ATP2B2: variants seen among roughly 807,000 people sequenced by gnomAD.
The protein encoded by ATP2B2 is plasma membrane calcium-transporting ATPase 2.
A neutral mutation model predicts 120.0 loss-of-function variants in ATP2B2; 15 were observed. The observed-to-expected ratio is 0.12, with a 90% CI of 0.08 to 0.19. ATP2B2 has a LOEUF of 0.19. Ranked by LOEUF, ATP2B2 falls within the 10% of genes least tolerant of loss-of-function variation. The pLI is 1.00. For synonymous variants in ATP2B2, 694 were observed against 700.3 expected (o/e 0.99, Z 0.14); for missense variants, 1,045 against 1,719.8 (o/e 0.61, Z 6.94).
intron 2 of ATP2B2, among the ~76,000 whole-genome samples, chr3:10,414,082 T>C (rs891294019): frequency 1.3e-5 from 2 of 152,092 alleles, no homozygotes; most frequent in Non-Finnish European, 2.9e-5. Flanking sequence ...GGCCCTGAAA[T>C]GGTTTTCCTG....
intron 1 of ATP2B2, among the ~76,000 whole-genome samples, chr3:10,494,055 A>G (rs2066040121): frequency 6.6e-6 from 1 of 152,230 alleles, no homozygotes; most frequent in Admixed American, 6.5e-5. Context: ...CTGGACACAG[A>G]CCGAGGAGTC....
intron 6 of ATP2B2, 114 bp downstream of exon 6, chr3:10,388,163 C>G: frequency 1.3e-6 from 2 of 1,518,858 alleles, no homozygotes; most frequent in South Asian, 1.1e-5. Flanking sequence ...GCTGTCAGCA[C>G]AGGGTGCGGA....
At chr3:10,601,494 G>A (rs1019619803) in intron 2 of ATP2B2, among the ~76,000 whole-genome samples, 6 of 152,128 alleles carry the variant, frequency 3.9e-5, no homozygotes, top group East Asian at 3.8e-4. Context: ...GCTGGGCCTC[G>A]GTTACCTCAT....
At chr3:10,442,769 G>A (rs1050759943) in intron 2 of ATP2B2, among the ~76,000 whole-genome samples, 1 of 152,116 alleles carries the variant, frequency 6.6e-6, no homozygotes, top group African/African-American at 2.4e-5. Flanking sequence ...CGTCTCCCTT[G>A]AAGCCACACA....
intron 1 of ATP2B2, among the ~76,000 whole-genome samples, chr3:10,642,052 C>T (rs1399130542): frequency 1.3e-5 from 2 of 152,000 alleles, no homozygotes; most frequent in African/African-American, 4.8e-5. Context: ...CCCATTCATC[C>T]TTCCATCCCT....
At chr3:10,466,910 A>T (rs541744084) in intron 1 of ATP2B2, among the ~76,000 whole-genome samples, 7 of 152,326 alleles carry the variant, frequency 4.6e-5, no homozygotes, top group African/African-American at 1.7e-4. Flanking sequence ...CACAATCATG[A>T]GCAGAGCATG....
At chr3:10,444,994 C>T (rs924472225) in intron 2 of ATP2B2, among the ~76,000 whole-genome samples, 5 of 152,218 alleles carry the variant, frequency 3.3e-5, no homozygotes, top group Admixed American at 1.3e-4. Context: ...CTAGGCCTCC[C>T]GGACCACCTG....
chr3:10,411,707 A>G (rs2062617684), intron 2 of ATP2B2, among the ~76,000 whole-genome samples: 1 of 152,202 alleles, frequency 6.6e-6, no homozygotes, highest in Admixed American at 6.5e-5. Context: ...TGTTGCAGAC[A>G]CTGGAACAGA....
chr3:10,505,563 T>C lies in ATP2B2; in HGVS notation c.-418A>G, dbSNP rs1459306716. 1 of 132,188 alleles carries C rather than the reference T, an allele frequency of 7.6e-6. No individual in the cohort carries two copies. Among genetic ancestry groups the C allele is most frequent in the Non-Finnish European group, 1.6e-5 (1 of 62,534 alleles). 8.2% of individuals were successfully genotyped at this position (132,188 alleles called of 1,614,324 possible). On this transcript the variant is annotated 5_prime_UTR_variant, in exon 1 of 23. Transcript: ENST00000360273. ...GTGCCGCGGCTGAGCCCAGCCAGCG[T>C]GCCCGGGCCCCTCTGCAGACTGTAC...
intron 1 of ATP2B2, among the ~76,000 whole-genome samples, chr3:10,698,119 C>G (rs1212445170): frequency 6.6e-6 from 1 of 152,218 alleles, no homozygotes; most frequent in African/African-American, 2.4e-5. Context: ...TCCATTTAAT[C>G]CCTGCTGGGC....
intron 2 of ATP2B2, among the ~76,000 whole-genome samples, chr3:10,565,920 A>G (rs1248587060): frequency 6.6e-6 from 1 of 151,968 alleles, no homozygotes; most frequent in Admixed American, 6.5e-5. Context: ...TCATCCATCC[A>G]TCCTTCCACC....
intron 2 of ATP2B2, among the ~76,000 whole-genome samples, chr3:10,558,752 A>T (rs6782483): frequency 0.061 from 9,183 of 151,108 alleles, 490 homozygotes; most frequent in African/African-American, 0.15. Flanking sequence ...CCTTTTTGGA[A>T]CAAGAAAGAA....
At chr3:10,386,174 T>C (rs982482179) in intron 7 of ATP2B2, among the ~76,000 whole-genome samples, 1 of 152,088 alleles carries the variant, frequency 6.6e-6, no homozygotes, top group East Asian at 1.9e-4. Context: ...GGGAGGGTCC[T>C]ATGATGGTGA....
At chr3:10,563,569 T>C (rs2067948969) in intron 2 of ATP2B2, among the ~76,000 whole-genome samples, 1 of 152,222 alleles carries the variant, frequency 6.6e-6, no homozygotes, top group Non-Finnish European at 1.5e-5. Flanking sequence ...GCCCAGAGGC[T>C]GGGTATCCAG....
At chr3:10,330,004 G>A (rs2059935303) in intron 22 of ATP2B2, among the ~76,000 whole-genome samples, 1 of 152,158 alleles carries the variant, frequency 6.6e-6, no homozygotes, top group African/African-American at 2.4e-5. Flanking sequence ...AGCTTGCTTT[G>A]GGGTCTCTTA....
chr3:10,378,179 C>G, intron 10 of ATP2B2, 73 bp downstream of exon 10: 2 of 1,555,392 alleles, frequency 1.3e-6, no homozygotes, highest in East Asian at 2.3e-5. Flanking sequence ...TAACTGAGGC[C>G]GAGCATGGGG....
chr3:10,413,133 G>C (rs547403728), intron 2 of ATP2B2, among the ~76,000 whole-genome samples: 3 of 152,362 alleles, frequency 2.0e-5, no homozygotes, highest in Admixed American at 2.0e-4. Flanking sequence ...AGCCCCCACT[G>C]TGGGCCTAGC....
chr3:10,566,515 C>T (rs1434799500), intron 2 of ATP2B2: 4 of 152,136 alleles, frequency 2.6e-5, no homozygotes, highest in Admixed American at 2.6e-4. Context: ...TTTATAACAA[C>T]AAGATGTGCT....
chr3:10,524,575 G>A (rs1318612714), intron 3 of ATP2B2, among the ~76,000 whole-genome samples: 2 of 152,098 alleles, frequency 1.3e-5, no homozygotes, highest in Admixed American at 1.3e-4. Flanking sequence ...CAGTCTTATG[G>A]CTTTGTCCAA....
Sources: allele counts gnomAD v4.1 joint callset (sites outside exome capture counted in the v4.1 genomes callset), GRCh38; gene constraint gnomAD v4.1.1; transcripts MANE v1.5; gene names NCBI Gene and HGNC (gene_info 2026-07-23, HGNC 2026-07-21).